Variants in GRHL2 observed in about 807,000 individuals in gnomAD.
GRHL2 encodes the protein grainyhead-like protein 2 homolog.
GRHL2 carries 21 observed loss-of-function variants against 83.8 expected under a neutral mutation model. That is an observed-to-expected ratio of 0.25 (90% CI 0.18 to 0.36). The LOEUF (loss-of-function observed/expected upper bound fraction) is 0.36. Ranked by LOEUF, GRHL2 falls within the 10% of genes least tolerant of loss-of-function variation. The probability of loss-of-function intolerance (pLI) is 1.00; values close to 1 mark genes in which losing one functional copy is unlikely to be tolerated. For synonymous variants in GRHL2, 280 were observed against 278.9 expected (o/e 1.00, Z -0.04); for missense variants, 623 against 781.8 (o/e 0.80, Z 2.42).
intron 5 of GRHL2, among the ~76,000 whole-genome samples, chr8:101,570,709 T>C (rs1563585844): frequency 6.6e-6 from 1 of 152,188 alleles, no homozygotes; most frequent in African/African-American, 2.4e-5. Context: ...TTTTTCTTCT[T>C]TCCCTCCTTT....
chr8:101,567,651 T>G (rs1196229870), intron 4 of GRHL2, among the ~76,000 whole-genome samples: 1 of 152,232 alleles, frequency 6.6e-6, no homozygotes, highest in Non-Finnish European at 1.5e-5. Context: ...CATGGAACTG[T>G]GAAAAATGTT....
At chr8:101,522,832 T>G (rs1810716738) in intron 1 of GRHL2, among the ~76,000 whole-genome samples, 1 of 149,502 alleles carries the variant, frequency 6.7e-6, no homozygotes, top group South Asian at 2.1e-4. Flanking sequence ...ATAACTTGCT[T>G]TTTTTTTTAA....
chr8:101,500,485 T>C (rs1040807618), intron 1 of GRHL2, among the ~76,000 whole-genome samples: 1 of 152,200 alleles, frequency 6.6e-6, no homozygotes, highest in Non-Finnish European at 1.5e-5. Context: ...GTAAACTGTA[T>C]TATAATAGGT....
chr8:101,672,541 A>C (rs1814227627), downstream of GRHL2, among the ~76,000 whole-genome samples: 1 of 151,744 alleles, frequency 6.6e-6, no homozygotes, highest in Non-Finnish European at 1.5e-5. Context: ...CCTCCAAGAA[A>C]TATGGGACTA....
chr8:101,514,733 G>A (rs1197761148), intron 1 of GRHL2, among the ~76,000 whole-genome samples: 4 of 152,168 alleles, frequency 2.6e-5, no homozygotes, highest in Admixed American at 2.6e-4. Context: ...GTGGAATGAA[G>A]AGCTTTTTCA....
chr8:101,670,018 T>G (rs1586187360), downstream of GRHL2, among the ~76,000 whole-genome samples: 2 of 152,322 alleles, frequency 1.3e-5, no homozygotes, highest in East Asian at 3.9e-4. Context: ...CACTTGCTTC[T>G]GCCCATCCTC....
intron 1 of GRHL2, among the ~76,000 whole-genome samples, chr8:101,536,441 T>C (rs956434952): frequency 3.3e-5 from 5 of 152,228 alleles, no homozygotes; most frequent in African/African-American, 7.2e-5. Context: ...GCAGCTTTTA[T>C]AGTGTGTCAG....
At chr8:101,496,049 G>A (rs1234159448) in intron 1 of GRHL2, among the ~76,000 whole-genome samples, 1 of 151,552 alleles carries the variant, frequency 6.6e-6, no homozygotes, top group African/African-American at 2.4e-5. Context: ...TTGGGAGGCT[G>A]AGGCAGGAGA....
At chr8:101,564,474 C>T (rs1329918946) in intron 4 of GRHL2, among the ~76,000 whole-genome samples, 6 of 152,052 alleles carry the variant, frequency 3.9e-5, no homozygotes, top group Non-Finnish European at 4.4e-5. Flanking sequence ...TTTGCTTTAA[C>T]TCAGGCTGGG....
intron 7 of GRHL2, among the ~76,000 whole-genome samples, chr8:101,595,360 G>A (rs1351372523): frequency 6.6e-6 from 1 of 152,158 alleles, no homozygotes; most frequent in African/African-American, 2.4e-5. Context: ...ACCTCATAAT[G>A]TTGTAACTCA....
At chr8:101,649,102 G>A (rs1202622976) in intron 13 of GRHL2, among the ~76,000 whole-genome samples, 1 of 152,192 alleles carries the variant, frequency 6.6e-6, no homozygotes, top group Non-Finnish European at 1.5e-5. Flanking sequence ...TAACACAGAG[G>A]AAAAGAGGTT....
In GRHL2 at chr8:101,496,320, G is replaced by A. The variant is rs193016139; in HGVS notation, c.20+3531G>A. ...ATGTGGATAACATTTCAAGTAATGGGATGACTCTACATTTTAATTAAACTC... is the reference window on the plus strand; with the variant it reads ...ATGTGGATAACATTTCAAGTAATGGAATGACTCTACATTTTAATTAAACTC... On this transcript the variant is annotated intron_variant, in intron 1 of 15. Coordinates refer to ENST00000646743, the MANE Select transcript of GRHL2 (RefSeq NM_024915.4). 3.7e-4 allele frequency among the ~76,000 whole-genome samples: 57 copies of A among 152,218 alleles called. No individual in the cohort carries two copies. The East Asian group carries it at 0.011, about 29-fold the overall frequency.
At chr8:101,653,200 C>G (rs1378218841) in intron 14 of GRHL2, among the ~76,000 whole-genome samples, 1 of 152,078 alleles carries the variant, frequency 6.6e-6, no homozygotes, top group East Asian at 1.9e-4. Flanking sequence ...GACCCTGGCC[C>G]CCATGTTTTG....
chr8:101,618,155 A>G (rs1812892191), intron 8 of GRHL2, among the ~76,000 whole-genome samples: 1 of 152,210 alleles, frequency 6.6e-6, no homozygotes, highest in African/African-American at 2.4e-5. Flanking sequence ...TGGGTGCTAC[A>G]CTGATACCTC....
intron 14 of GRHL2, among the ~76,000 whole-genome samples, chr8:101,657,816 G>C (rs1204966214): frequency 1.3e-5 from 2 of 149,784 alleles, no homozygotes; most frequent in African/African-American, 5.0e-5. Context: ...CTCTAGCCTG[G>C]GCGACAGAGC....
chr8:101,613,741 A>G (rs1812798755), intron 8 of GRHL2, among the ~76,000 whole-genome samples: 1 of 150,960 alleles, frequency 6.6e-6, no homozygotes, highest in African/African-American at 2.5e-5. Flanking sequence ...ATATAGTTAT[A>G]TATTGTTTGT....
chr8:101,645,275 G>A (rs1813489283), intron 13 of GRHL2, among the ~76,000 whole-genome samples: 1 of 151,688 alleles, frequency 6.6e-6, no homozygotes, highest in Non-Finnish European at 1.5e-5. Flanking sequence ...TGGGACTATA[G>A]GTGTGTGCCA....
At chr8:101,658,171 C>T (rs1183598665) in intron 14 of GRHL2, among the ~76,000 whole-genome samples, 1 of 152,232 alleles carries the variant, frequency 6.6e-6, no homozygotes, top group African/African-American at 2.4e-5. Context: ...GAGAGTTGCA[C>T]TGAGAGCAGG....
intron 8 of GRHL2, among the ~76,000 whole-genome samples, chr8:101,604,262 C>G (rs1456519967): frequency 1.3e-5 from 2 of 152,070 alleles, no homozygotes; most frequent in African/African-American, 2.4e-5. Context: ...ATGAGGAATT[C>G]CCACGCAAGA....
Sources: gnomAD v4.1 joint callset for allele counts (sites outside exome capture counted in the v4.1 genomes callset) on GRCh38, gnomAD v4.1.1 for gene constraint, MANE v1.5 for transcripts, NCBI Gene and HGNC (gene_info 2026-07-23, HGNC 2026-07-21) for gene names.